KIAA1217: variants seen among roughly 807,000 people sequenced by gnomAD.
KIAA1217 encodes the protein sickle tail protein homolog.
Under a neutral mutation model 163.9 loss-of-function variants are expected in KIAA1217, and 88 were observed. The ratio of observed to expected loss-of-function variants is 0.54; its 90% confidence interval spans 0.45 to 0.64. KIAA1217 has a LOEUF of 0.64. KIAA1217 is among the 30% of genes least tolerant of loss of function. The probability of loss-of-function intolerance (pLI) is 0.00; values close to 1 mark genes in which losing one functional copy is unlikely to be tolerated. For synonymous variants in KIAA1217, 903 were observed against 923.1 expected (o/e 0.98, Z 0.39); for missense variants, 2,372 against 2,475.0 (o/e 0.96, Z 0.88).
intron 6 of KIAA1217, among the ~76,000 whole-genome samples, chr10:24,484,995 A>G (rs569828737): frequency 6.6e-6 from 1 of 152,054 alleles, no homozygotes; most frequent in South Asian, 2.1e-4. Flanking sequence ...TGTGCTGGGC[A>G]GAGCACTGCT....
chr10:24,489,789 G>A (rs540071071), intron 6 of KIAA1217, among the ~76,000 whole-genome samples: 13 of 145,776 alleles, frequency 8.9e-5, no homozygotes, highest in East Asian at 2.1e-4. Flanking sequence ...TCTTGAGCTC[G>A]GTGAGTTGAG....
chr10:23,902,679 A>G (rs996292726), intron 1 of KIAA1217, among the ~76,000 whole-genome samples: 3 of 152,104 alleles, frequency 2.0e-5, no homozygotes, highest in Non-Finnish European at 2.9e-5. Flanking sequence ...ACAAGTGTTC[A>G]TCCAATTTAA....
rs58075677 is a variant in KIAA1217, at chr10:24,072,173, A to C, written c.-171+64799A>C. ...CCCAAGGAGTTAGGACTAAAGGCAC[A>C]TACCACCACACCCAGCTAATTATTT... On this transcript the variant is annotated intron_variant, in intron 2 of 18. Transcript: ENST00000376462. Among the ~76,000 whole-genome samples the C allele has an allele frequency of 2.7e-3, 414 of 152,146 alleles. 3 individuals carry two copies. The highest frequency in any genetic ancestry group is 9.3e-3 in the African/African-American group (387 of 41,514).
intron 2 of KIAA1217, among the ~76,000 whole-genome samples, chr10:24,119,153 T>C (rs543517783): frequency 6.6e-6 from 1 of 152,340 alleles, no homozygotes; most frequent in Admixed American, 6.5e-5. Context: ...TATGTTTTTA[T>C]GTCAAGACTC....
At chr10:24,334,039 A>G (rs996448887) in intron 2 of KIAA1217, among the ~76,000 whole-genome samples, 2 of 152,176 alleles carry the variant, frequency 1.3e-5, no homozygotes, top group Non-Finnish European at 2.9e-5. Flanking sequence ...AAACATGGAG[A>G]TAAGTTAGTG....
intron 1 of KIAA1217, among the ~76,000 whole-genome samples, chr10:23,842,313 C>G (rs112333569): frequency 1.3e-5 from 2 of 152,164 alleles, no homozygotes; most frequent in African/African-American, 4.8e-5. Context: ...AAGAAGATCA[C>G]CAGACGGCTC....
At chr10:23,856,709 C>A (rs1032187091) in intron 1 of KIAA1217, among the ~76,000 whole-genome samples, 1 of 152,260 alleles carries the variant, frequency 6.6e-6, no homozygotes, top group Admixed American at 6.5e-5. Flanking sequence ...CAAACCTGGG[C>A]AATGGCAGGC....
chr10:24,074,690 T>G (rs2061307746), intron 2 of KIAA1217, among the ~76,000 whole-genome samples: 2 of 129,392 alleles, frequency 1.5e-5, no homozygotes, highest in Admixed American at 1.8e-4. Context: ...TTCCTCTTCC[T>G]CTTCTTCTTC....
intron 2 of KIAA1217, among the ~76,000 whole-genome samples, chr10:24,127,969 C>T (rs138432695): frequency 5.3e-5 from 8 of 152,248 alleles, no homozygotes; most frequent in Non-Finnish European, 8.8e-5. Context: ...ACAAAAAGAA[C>T]AATATTGCAA....
At chr10:24,302,635 C>G (rs77265179) in intron 2 of KIAA1217, among the ~76,000 whole-genome samples, 2,368 of 152,152 alleles carry the variant, frequency 0.016, 39 homozygotes, top group East Asian at 0.083. Flanking sequence ...TCAGAGAAAA[C>G]AGGCAGGTGA....
intron 1 of KIAA1217, among the ~76,000 whole-genome samples, chr10:23,978,731 C>T (rs1030941674): frequency 6.6e-6 from 1 of 152,070 alleles, no homozygotes; most frequent in Admixed American, 6.6e-5. Flanking sequence ...ATGTGACATG[C>T]TTTTAAAACA....
intron 2 of KIAA1217, among the ~76,000 whole-genome samples, chr10:24,227,573 C>T (rs1420343003): frequency 1.3e-5 from 2 of 151,348 alleles, no homozygotes; most frequent in Non-Finnish European, 2.9e-5. Context: ...TGCTCTGTTG[C>T]CCAGGCTGGA....
At chr10:23,839,518 A>G (rs969462567) in intron 1 of KIAA1217, among the ~76,000 whole-genome samples, 3 of 152,162 alleles carry the variant, frequency 2.0e-5, no homozygotes, top group African/African-American at 7.2e-5. Context: ...TTTCTCTCCC[A>G]TGCAGCAGCC....
intron 2 of KIAA1217, among the ~76,000 whole-genome samples, chr10:24,198,564 G>A (rs926097249): frequency 3.4e-5 from 5 of 149,118 alleles, no homozygotes; most frequent in South Asian, 2.1e-4. Context: ...AGCCAAGATC[G>A]TGCCACTGCT....
At position 24,080,610 on chromosome 10, in the gene KIAA1217, A is replaced by G. The variant is rs542249300; in HGVS notation, c.-171+73236A>G. ...AAGCCTGTCTCCATTTTAAGATTCA[A>G]AAAGAAGCAACATTTTAATTCCTTC... On this transcript the variant is annotated intron_variant, in intron 2 of 18. Coordinates refer to the KIAA1217 transcript ENST00000376462. Among the ~76,000 whole-genome samples the G allele has an allele frequency of 4.6e-5, 7 of 152,344 alleles. No individual in the cohort carries two copies. In the East Asian group the frequency reaches 1.4e-3, roughly 29 times the overall value.
At chr10:24,292,661 A>C (rs2079198159) in intron 2 of KIAA1217, among the ~76,000 whole-genome samples, 1 of 152,180 alleles carries the variant, frequency 6.6e-6, no homozygotes, top group Non-Finnish European at 1.5e-5. Flanking sequence ...CATTAACTCT[A>C]AAAATGGAGA....
At chr10:24,359,753 ACT>A (rs1036087781) in intron 2 of KIAA1217, among the ~76,000 whole-genome samples, 9 of 151,868 alleles carry the variant, frequency 5.9e-5, no homozygotes, top group South Asian at 2.1e-4. Context: ...ATCACCCTGA[ACT>A]CTTTTTTGTT....
At chr10:24,122,411 G>C (rs749428919) in intron 2 of KIAA1217, among the ~76,000 whole-genome samples, 56 of 152,064 alleles carry the variant, frequency 3.7e-4, no homozygotes, top group Non-Finnish European at 6.3e-4. Context: ...TGGGCATCTA[G>C]GTTGATTCCA....
At chr10:24,153,958 A>AT (rs753825154) in intron 2 of KIAA1217, among the ~76,000 whole-genome samples, 7,662 of 135,318 alleles carry the variant, frequency 0.057, 298 homozygotes, top group African/African-American at 0.12. Flanking sequence ...TACAAAAAAT[A>AT]TTTTTTTTTT....
Sources: allele counts gnomAD v4.1 joint callset (sites outside exome capture counted in the v4.1 genomes callset), GRCh38; gene constraint gnomAD v4.1.1; transcripts MANE v1.5; gene names NCBI Gene and HGNC (gene_info 2026-07-23, HGNC 2026-07-21).